Variants in GALK2 observed in about 807,000 individuals in gnomAD.
GALK2 encodes the protein galactokinase 2, also known as N-acetylgalactosamine kinase.
In GALK2, 36 loss-of-function variants were observed where a neutral mutation model predicts 52.4. That is an observed-to-expected ratio of 0.69 (90% CI 0.53 to 0.91). The LOEUF is 0.91. GALK2 is among the 40% of genes least tolerant of loss of function. The pLI, the probability that GALK2 is intolerant of heterozygous loss-of-function variation, is 0.00. For synonymous variants in GALK2, 176 were observed against 199.1 expected, an observed-to-expected ratio of 0.88 and a Z score of 0.98; for missense variants, 579 against 559.1, an observed-to-expected ratio of 1.04 and a Z score of -0.36.
chr15:49,250,105 G>A (rs552994213), intron 5 of GALK2, among the ~76,000 whole-genome samples: 15 of 152,270 alleles, frequency 9.9e-5, no homozygotes, highest in African/African-American at 3.6e-4. Flanking sequence ...AACTGCTGGC[G>A]AGTGTACCCT....
chr15:49,337,847 T>C (rs2040027224), intron 3 of GALK2, among the ~76,000 whole-genome samples: 1 of 152,232 alleles, frequency 6.6e-6, no homozygotes, highest in African/African-American at 2.4e-5. Flanking sequence ...ATGTTTTTTA[T>C]GGCTGCATAG....
chr15:49,300,173 C>T (rs555576307), intron 8 of GALK2, among the ~76,000 whole-genome samples: 5 of 151,958 alleles, frequency 3.3e-5, no homozygotes, highest in Non-Finnish European at 7.4e-5. Context: ...CTGAATTGAA[C>T]CCTTTATCAT....
intron 5 of GALK2, among the ~76,000 whole-genome samples, chr15:49,277,457 C>T (rs1374525893): frequency 1.5e-4 from 21 of 144,090 alleles, no homozygotes; most frequent in African/African-American, 5.1e-4. Context: ...CGTGAGCCAC[C>T]GCACCCAGCT....
intron 5 of GALK2, among the ~76,000 whole-genome samples, chr15:49,264,904 G>T (rs1235317675): frequency 6.6e-6 from 1 of 152,194 alleles, no homozygotes; most frequent in Non-Finnish European, 1.5e-5. Context: ...CGTGAACCGC[G>T]AATGCTGCTG....
At chr15:49,355,175 C>T (rs2042925850) in intron 3 of GALK2, among the ~76,000 whole-genome samples, 1 of 152,014 alleles carries the variant, frequency 6.6e-6, no homozygotes, top group African/African-American at 2.4e-5. Context: ...CTCTAAAAAG[C>T]AGAGCGCCTC....
At chr15:49,202,434 A>T (rs73392215) in intron 2 of GALK2, among the ~76,000 whole-genome samples, 2,597 of 152,276 alleles carry the variant, frequency 0.017, 71 homozygotes, top group African/African-American at 0.06. Context: ...GCCTCCATAT[A>T]TGAGTGAGAA....
intron 5 of GALK2, among the ~76,000 whole-genome samples, chr15:49,259,747 A>G (rs1227026205): frequency 1.4e-5 from 1 of 73,756 alleles, no homozygotes; most frequent in Non-Finnish European, 2.6e-5. Context: ...ACCCCACCAC[A>G]GTCCCCAGAG....
At chr15:49,353,432 G>A (rs1567130789) in intron 3 of GALK2, 1 of 152,112 alleles carries the variant, frequency 6.6e-6, no homozygotes. Flanking sequence ...TTTGGCAGAG[G>A]AAGTCTTTTA....
chr15:49,239,470 C>G (rs754265365), intron 5 of GALK2, 103 bp downstream of exon 5: 2 of 1,068,832 alleles, frequency 1.9e-6, no homozygotes, highest in Non-Finnish European at 1.4e-6. Flanking sequence ...ACTGTCTTCT[C>G]TAAAAGGACT....
At chr15:49,195,135 G>A (rs151334901) in intron 1 of GALK2, 6,955 of 449,424 alleles carry the variant, frequency 0.015, 95 homozygotes, top group African/African-American at 0.028. Flanking sequence ...CAAGTGGCAC[G>A]ATCTTGGCTC....
intron 3 of GALK2, among the ~76,000 whole-genome samples, chr15:49,361,607 C>T (rs8024184): frequency 0.42 from 63,788 of 152,012 alleles, 13,537 homozygotes; most frequent in African/African-American, 0.45. Context: ...ACAGTATTCC[C>T]TGGTGTATAT....
intron 1 of GALK2, among the ~76,000 whole-genome samples, chr15:49,186,894 A>G (rs573108328): frequency 1.7e-4 from 26 of 152,242 alleles, no homozygotes; most frequent in African/African-American, 6.0e-4. Flanking sequence ...TCTCTGTATA[A>G]AAGGTCACTT....
chr15:49,187,759 C>T (rs1190255577), intron 1 of GALK2, among the ~76,000 whole-genome samples: 1 of 151,960 alleles, frequency 6.6e-6, no homozygotes, highest in Non-Finnish European at 1.5e-5. Flanking sequence ...CTGCCTGGCT[C>T]CCACTGTTTA....
chr15:49,323,914 A>G (rs2037112904), intron 9 of GALK2, among the ~76,000 whole-genome samples: 1 of 152,254 alleles, frequency 6.6e-6, no homozygotes, highest in Non-Finnish European at 1.5e-5. Flanking sequence ...CAAAGTAAAT[A>G]ATGAAGGAAA....
At chr15:49,246,869 T>C (rs74014918) in intron 5 of GALK2, among the ~76,000 whole-genome samples, 9,664 of 152,200 alleles carry the variant, frequency 0.063, 1,055 homozygotes, top group African/African-American at 0.22. Context: ...GAATACCTAC[T>C]ATATGCCATG....
chr15:49,225,396 C>A, intron 3 of GALK2: 1 of 368,184 alleles, frequency 2.7e-6, no homozygotes, highest in South Asian at 2.0e-5. Flanking sequence ...GCTCGGTCTC[C>A]CGTCAGATCA....
At chr15:49,344,377 T>C (rs1402184065) in intron 3 of GALK2, 1 of 152,236 alleles carries the variant, frequency 6.6e-6, no homozygotes, top group African/African-American at 2.4e-5. Context: ...ATAATAATTA[T>C]TTTAATGTTT....
At chr15:49,209,525 A>T (rs1459280741) in intron 2 of GALK2, among the ~76,000 whole-genome samples, 4 of 152,062 alleles carry the variant, frequency 2.6e-5, no homozygotes, top group African/African-American at 9.7e-5. Flanking sequence ...CTAGTATGTT[A>T]AGAGTTTTTA....
intron 8 of GALK2, among the ~76,000 whole-genome samples, chr15:49,304,574 G>A (rs1404900721): frequency 6.6e-6 from 1 of 152,166 alleles, no homozygotes; most frequent in Non-Finnish European, 1.5e-5. Context: ...ATTGGCCAAA[G>A]CCAGTCAGAT....
Sources: gnomAD v4.1 joint callset for allele counts (sites outside exome capture counted in the v4.1 genomes callset) on GRCh38, gnomAD v4.1.1 for gene constraint, MANE v1.5 for transcripts, NCBI Gene and HGNC (gene_info 2026-07-23, HGNC 2026-07-21) for gene names.